Variants in WDR11 observed in about 807,000 individuals in gnomAD.
WDR11 encodes WD repeat domain 11.
In WDR11, 83 loss-of-function variants were observed where a neutral mutation model predicts 151.2. The observed-to-expected ratio is 0.55, with a 90% CI of 0.46 to 0.66. The LOEUF is 0.66. Among genes scored for constraint, WDR11 ranks in the 30% least tolerant of loss-of-function variants. WDR11 has a pLI of 0.00. For missense variants in WDR11, 1,301 were observed against 1,480.9 expected (o/e 0.88, Z 1.99); for synonymous variants, 484 against 533.1 (o/e 0.91, Z 1.27).
Position 120,908,976 on chromosome 10 carries a change from A to C in WDR11, c.*263A>C. 2.1e-6 allele frequency: 1 copy of C among 468,610 alleles called. No homozygotes were observed. The highest frequency in any genetic ancestry group is 3.8e-6 in the Non-Finnish European group (1 of 261,278). 29.0% of individuals were successfully genotyped at this position (468,610 alleles called of 1,614,324 possible). A position where few individuals can be genotyped will look rare whatever the true frequency, so the allele number is the denominator to read the frequency against. ...ATTTTATACTTTGGGAGAGAGCTTT[A>C]AGAGTCCCTGGAAATACTTTTTAAT... is the stretch of plus-strand genomic sequence containing the variant. On this transcript the variant is annotated 3_prime_UTR_variant, in exon 29 of 29. Transcript: ENST00000263461.
In WDR11 at chr10:120,888,729, A is replaced by G. The variant is rs545859922; in HGVS notation, c.2122-349A>G. On this transcript the variant is annotated intron_variant, in intron 16 of 28. Transcript: ENST00000263461. ...TTTAGTTATCCTTTTGCAGTGAGAG[A>G]TAAGTTTGAGTTGGCTCTCTGGAAA... Among the ~76,000 whole-genome samples the G allele has an allele frequency of 2.0e-5, 3 of 152,262 alleles. No individual in the cohort carries two copies. In the East Asian group the frequency reaches 5.8e-4, roughly 29 times the overall value.
At chr10:120,873,960 C>G in intron 11 of WDR11, 37 bp downstream of exon 11, 2 of 1,427,254 alleles carry the variant, frequency 1.4e-6, no homozygotes, top group Non-Finnish European at 2.0e-6. Context: ...TCACAAACAT[C>G]ATATCAGAAA....
intron 19 of WDR11, among the ~76,000 whole-genome samples, chr10:120,895,881 G>A (rs1375019172): frequency 1.3e-5 from 2 of 152,328 alleles, no homozygotes; most frequent in Admixed American, 6.5e-5. Context: ...ATTGCTAACA[G>A]TAAGATCCCT....
chr10:120,882,753 T>C (rs1485775442), intron 13 of WDR11, among the ~76,000 whole-genome samples: 1 of 152,084 alleles, frequency 6.6e-6, no homozygotes, highest in Non-Finnish European at 1.5e-5. Flanking sequence ...TATTTATTGA[T>C]CTTTTCCAAG....
intron 9 of WDR11, among the ~76,000 whole-genome samples, chr10:120,869,913 A>G (rs184783805): frequency 9.7e-4 from 148 of 151,982 alleles, no homozygotes; most frequent in Non-Finnish European, 1.3e-3. Context: ...CCTCAGCCCC[A>G]TGAGTAGCTG....
intron 23 of WDR11, 79 bp from the exon 24 acceptor site, chr10:120,903,968 C>T: frequency 1.1e-6 from 1 of 940,472 alleles, no homozygotes; most frequent in South Asian, 1.4e-5. Context: ...TTAAAATGAT[C>T]TTATTAAGTA....
intron 9 of WDR11, among the ~76,000 whole-genome samples, chr10:120,870,317 G>A (rs562549310): frequency 1.3e-5 from 2 of 152,128 alleles, no homozygotes; most frequent in African/African-American, 2.4e-5. Context: ...GTGTTTATGT[G>A]TGTGTAGACA....
chr10:120,883,630 C>A, intron 13 of WDR11, 150 bp from the exon 14 acceptor site: 2 of 668,864 alleles, frequency 3.0e-6, no homozygotes, highest in Non-Finnish European at 5.3e-6. Flanking sequence ...CTTCTTATGA[C>A]TGTTAATCAT....
At chr10:120,854,290 T>C (rs1159470098) in intron 2 of WDR11, among the ~76,000 whole-genome samples, 1 of 152,254 alleles carries the variant, frequency 6.6e-6, no homozygotes, top group Non-Finnish European at 1.5e-5. Context: ...TTGTGGTCTT[T>C]TGTGCATGAC....
Position 120,905,415 on chromosome 10 carries a change from A to T in WDR11, c.3290A>T (p.Lys1097Ile). 6.2e-7 allele frequency: 1 copy of T among 1,614,138 alleles called. No homozygotes were observed. Among genetic ancestry groups the T allele is most frequent in the South Asian group, 1.1e-5 (1 of 91,090 alleles). Reference sequence around the variant, plus strand: ...TGGAATCGGGCTGCATGGCTGGCAAAAGTAGGTGGTTCCAAGTTTCAATAG... The same window carrying T: ...TGGAATCGGGCTGCATGGCTGGCAATAGTAGGTGGTTCCAAGTTTCAATAG... ...GEWNRAAWLAKVRLNPEECAD... is the reference protein window; with the variant it reads ...GEWNRAAWLAIVRLNPEECAD... Residue 1097 changes from lysine (K) to isoleucine (I), a missense_variant and splice_region_variant, in exon 26 of 29, where the codon AAA becomes ATA. By Grantham distance (102) the Lys-to-Ile change is moderately radical. Around this residue, in one of 3 missense-constraint regions of WDR11, gnomAD observed 589 missense variants for 670.6 expected, o/e 0.88. Transcript: ENST00000263461.
chr10:120,864,633 C>T (rs556460387), intron 5 of WDR11, among the ~76,000 whole-genome samples: 1 of 152,212 alleles, frequency 6.6e-6, no homozygotes, highest in Admixed American at 6.5e-5. Context: ...GGTCCAGGGG[C>T]CCTAATTACC....
chr10:120,866,694 G>C lies in WDR11; in HGVS notation c.1120G>C (p.Val374Leu). 1 of 1,614,146 alleles carries C rather than the reference G, an allele frequency of 6.2e-7. No homozygotes were observed. ...CPVNENAAALVVSDGRVMIWE... is the reference protein window; with the variant it reads ...CPVNENAAALLVSDGRVMIWE... Reference sequence around the variant, plus strand: ...TGTCAATGAGAATGCAGCCGCCCTCGTAGTGAGTGATGGCAGGGTCATGAT... The same window carrying C: ...TGTCAATGAGAATGCAGCCGCCCTCCTAGTGAGTGATGGCAGGGTCATGAT... The change falls in exon 8 of 29, where the codon GTA becomes CTA. Residue 374 changes from valine to leucine, a missense_variant. By Grantham distance (32) the Val-to-Leu change is conservative. This residue lies in a region of WDR11 where 692 missense variants were observed against 762.5 expected (regional missense o/e 0.91). Transcript: ENST00000263461.
Position 120,865,091 on chromosome 10 carries a change from T to C in WDR11, c.758T>C (p.Leu253Pro). The C allele has an allele frequency of 1.2e-6, 2 of 1,613,990 alleles. No homozygotes were observed. Among genetic ancestry groups the C allele is most frequent in the Non-Finnish European group, 1.7e-6 (2 of 1,179,882 alleles). Reference protein sequence around the residue: ...TLNDCLQLAYLPSKRNHMLLL... With the variant: ...TLNDCLQLAYPPSKRNHMLLL... ...AATGATTGCCTTCAGTTGGCATACC[T>C]GCCTTCAAAAAGGAATCACATGTTG... The change falls in exon 6 of 29, where the codon CTG (leucine) becomes CCG (proline). Residue 253 changes from leucine to proline, a missense_variant. Coordinates refer to ENST00000263461, the MANE Select transcript of WDR11 (RefSeq NM_018117.12).
chr10:120,883,504 G>A (rs969289144), intron 13 of WDR11, among the ~76,000 whole-genome samples: 3 of 152,112 alleles, frequency 2.0e-5, no homozygotes, highest in African/African-American at 7.2e-5. Context: ...CCTCAGGAGG[G>A]TTAACATAAG....
At chr10:120,888,985 C>T (rs1847321808) in intron 16 of WDR11, 93 bp from the exon 17 acceptor site, 1 of 960,778 alleles carries the variant, frequency 1.0e-6, no homozygotes, top group South Asian at 1.5e-5. Context: ...TACTAAAGCA[C>T]AGCCCTTTAA....
At position 120,865,192 on chromosome 10, in the gene WDR11, A is replaced by C. The variant is rs1260933034; in HGVS notation, c.859A>C (p.Thr287Pro). ...QTVGVIAIER[T>P]GVPFLQVIPC... The stretch of plus-strand genomic sequence containing the variant: ...GGTGGGTGTGATTGCAATAGAACGC[A>C]CAGGAGTTCCATTTTTACAGGTATC... The change falls in exon 6 of 29, where the codon ACA becomes CCA. Residue 287 changes from threonine to proline, a missense_variant. Around this residue, in one of 3 missense-constraint regions of WDR11, gnomAD observed 692 missense variants for 762.5 expected, o/e 0.91. Transcript: ENST00000263461. The C allele has an allele frequency of 6.2e-7, 1 of 1,613,924 alleles. No homozygotes were observed.
At chr10:120,852,859 A>G (rs961146465) in intron 2 of WDR11, among the ~76,000 whole-genome samples, 5 of 152,238 alleles carry the variant, frequency 3.3e-5, no homozygotes, top group Admixed American at 2.6e-4. Flanking sequence ...TGAAAGTTCT[A>G]CCATTTACAA....
chr10:120,874,974 A>G, intron 11 of WDR11, among the ~76,000 whole-genome samples: 1 of 149,974 alleles, frequency 6.7e-6, no homozygotes, highest in Admixed American at 6.6e-5. Flanking sequence ...TTGCCCCTCA[A>G]TCCCCGATAG....
At chr10:120,870,547 G>A (rs564483950) in intron 9 of WDR11, among the ~76,000 whole-genome samples, 2 of 152,234 alleles carry the variant, frequency 1.3e-5, no homozygotes, top group East Asian at 3.9e-4. Flanking sequence ...TGAAAATAAT[G>A]CCATTGAAGT....
Sources: gnomAD v4.1 joint callset for allele counts (sites outside exome capture counted in the v4.1 genomes callset) on GRCh38, gnomAD v4.1.1 for gene constraint, gnomAD v4.1.1 regional missense constraint, MANE v1.5 for transcripts, NCBI Gene and HGNC (gene_info 2026-07-23, HGNC 2026-07-21) for gene names.